PPARGC1A: variants seen among roughly 807,000 people sequenced by gnomAD.
PPARGC1A encodes the protein peroxisome proliferator-activated receptor gamma coactivator 1-alpha.
PPARGC1A carries 25 observed loss-of-function variants against 88.7 expected under a neutral mutation model. The ratio of observed to expected loss-of-function variants is 0.28; its 90% confidence interval spans 0.21 to 0.39. PPARGC1A has a LOEUF of 0.39. Ranked by LOEUF, PPARGC1A falls within the 10% of genes least tolerant of loss-of-function variation. The probability of loss-of-function intolerance (pLI) is 1.00; values close to 1 mark genes in which losing one functional copy is unlikely to be tolerated. For missense variants in PPARGC1A, 880 were observed against 968.7 expected (o/e 0.91, Z 1.22); for synonymous variants, 363 against 355.6 (o/e 1.02, Z -0.24).
At chr4:24,287,064 C>T in the PPARGC1A span, among the ~76,000 whole-genome samples, 4 of 152,084 alleles carry the variant, frequency 2.6e-5, no homozygotes, top group African/African-American at 9.7e-5. Flanking sequence ...GAGAGGTTCT[C>T]AACCACGGTA....
the PPARGC1A span, among the ~76,000 whole-genome samples, chr4:24,137,705 G>A: frequency 7.2e-5 from 11 of 151,910 alleles, no homozygotes; most frequent in Non-Finnish European, 1.5e-4. Flanking sequence ...AAGGCTAGAT[G>A]ACATTCCTGG....
the PPARGC1A span, among the ~76,000 whole-genome samples, chr4:24,336,780 G>A: frequency 6.6e-6 from 1 of 151,958 alleles, no homozygotes; most frequent in Non-Finnish European, 1.5e-5. Flanking sequence ...ACGCTGCCAT[G>A]AGGCAAACAC....
At chr4:24,072,458 C>A in the PPARGC1A span, among the ~76,000 whole-genome samples, 2 of 151,890 alleles carry the variant, frequency 1.3e-5, no homozygotes, top group African/African-American at 4.8e-5. Context: ...TCTATTTCTG[C>A]CTCCTCTCGA....
chr4:24,331,541 A>G, the PPARGC1A span, among the ~76,000 whole-genome samples: 2 of 152,336 alleles, frequency 1.3e-5, no homozygotes, highest in Admixed American at 1.3e-4. Flanking sequence ...TCCCCAGGAC[A>G]GTTTCTGGCC....
the PPARGC1A span, among the ~76,000 whole-genome samples, chr4:24,104,208 G>C: frequency 6.6e-6 from 1 of 152,152 alleles, no homozygotes; most frequent in Non-Finnish European, 1.5e-5. Context: ...CAGTAGAGTG[G>C]GCGCCCTCTT....
chr4:24,305,702 A>T, the PPARGC1A span, among the ~76,000 whole-genome samples: 2 of 152,092 alleles, frequency 1.3e-5, no homozygotes, highest in Non-Finnish European at 2.9e-5. Flanking sequence ...ATCCCAACTA[A>T]TCGGGAGGCT....
At chr4:24,220,594 C>T in the PPARGC1A span, among the ~76,000 whole-genome samples, 4 of 152,058 alleles carry the variant, frequency 2.6e-5, no homozygotes, top group Non-Finnish European at 5.9e-5. Flanking sequence ...TAGCTGGGGG[C>T]CATTATCCTA....
chr4:24,248,558 C>T, the PPARGC1A span, among the ~76,000 whole-genome samples: 22,645 of 152,020 alleles, frequency 0.15, 2,076 homozygotes, highest in Middle Eastern at 0.29. Context: ...CTACAGAGAA[C>T]GAAAGTGTCA....
intron 2 of PPARGC1A, among the ~76,000 whole-genome samples, chr4:23,835,139 G>A (rs1162994942): frequency 1.3e-5 from 2 of 152,132 alleles, no homozygotes; most frequent in Non-Finnish European, 1.5e-5. Flanking sequence ...TAAATTTTGT[G>A]TTTGGCTTTC....
the PPARGC1A span, among the ~76,000 whole-genome samples, chr4:24,213,129 G>A: frequency 4.7e-5 from 7 of 150,350 alleles, no homozygotes; most frequent in Admixed American, 3.3e-4. Flanking sequence ...CATCGCCCCC[G>A]AGTCTCAGCT....
the PPARGC1A span, among the ~76,000 whole-genome samples, chr4:24,136,602 G>A: frequency 1.3e-5 from 2 of 152,122 alleles, no homozygotes; most frequent in Non-Finnish European, 2.9e-5. Context: ...CACGAAATGT[G>A]GAGTCAGAGA....
At chr4:23,801,521 C>T (rs1577330087) in intron 12 of PPARGC1A, among the ~76,000 whole-genome samples, 1 of 152,276 alleles carries the variant, frequency 6.6e-6, no homozygotes, top group East Asian at 1.9e-4. Context: ...GTAGATAGTA[C>T]AAAGAATTTA....
At chr4:24,119,968 C>T in the PPARGC1A span, among the ~76,000 whole-genome samples, 1 of 152,108 alleles carries the variant, frequency 6.6e-6, no homozygotes, top group Non-Finnish European at 1.5e-5. Flanking sequence ...AGAGATGATG[C>T]TCTACAAGGC....
chr4:24,235,682 AG>A, the PPARGC1A span, among the ~76,000 whole-genome samples: 2 of 152,244 alleles, frequency 1.3e-5, no homozygotes, highest in Non-Finnish European at 2.9e-5. Context: ...CTTCAATCAC[AG>A]GGAAAGGCAA....
chr4:24,025,247 G>A, the PPARGC1A span, among the ~76,000 whole-genome samples: 2 of 152,144 alleles, frequency 1.3e-5, no homozygotes, highest in Non-Finnish European at 2.9e-5. Context: ...AGGAGACTGG[G>A]AGCATGAGGA....
the PPARGC1A span, among the ~76,000 whole-genome samples, chr4:24,426,879 C>T: frequency 9.2e-5 from 14 of 152,116 alleles, no homozygotes; most frequent in Non-Finnish European, 1.9e-4. Context: ...ACACAGAGAG[C>T]GGGCTCCAGT....
chr4:24,270,709 G>A, the PPARGC1A span, among the ~76,000 whole-genome samples: 3 of 152,198 alleles, frequency 2.0e-5, no homozygotes, highest in Admixed American at 6.5e-5. Flanking sequence ...TCAGCATGCC[G>A]AAGATATCCA....
the PPARGC1A span, among the ~76,000 whole-genome samples, chr4:24,340,163 T>A: frequency 6.6e-6 from 1 of 152,226 alleles, no homozygotes; most frequent in Non-Finnish European, 1.5e-5. Context: ...TAAAATGTAG[T>A]CATGAATAGC....
chr4:24,403,373 T>C, the PPARGC1A span, among the ~76,000 whole-genome samples: 7 of 152,362 alleles, frequency 4.6e-5, no homozygotes, highest in East Asian at 9.6e-4. Context: ...ATAGGAGTAT[T>C]TGGGGCCAAG....
Sources: gnomAD v4.1 joint callset for allele counts (sites outside exome capture counted in the v4.1 genomes callset) on GRCh38, gnomAD v4.1.1 for gene constraint, MANE v1.5 for transcripts, NCBI Gene and HGNC (gene_info 2026-07-23, HGNC 2026-07-21) for gene names.